The following COA6 variants were observed in gnomAD, a reference collection of about 807,000 sequenced individuals.
COA6 encodes the protein cytochrome c oxidase assembly factor 6 homolog.
In COA6, 12 loss-of-function variants were observed where a neutral mutation model predicts 17.1. The observed-to-expected ratio is 0.70, with a 90% CI of 0.45 to 1.14. The LOEUF (loss-of-function observed/expected upper bound fraction) is 1.14. Ranked by LOEUF, COA6 falls within the 50% of genes most tolerant of loss-of-function variation. COA6 has a pLI of 0.00. For synonymous variants in COA6, 90 were observed against 73.4 expected, an observed-to-expected ratio of 1.23 and a Z score of -1.16; for missense variants, 246 against 196.5, an observed-to-expected ratio of 1.25 and a Z score of -1.51.
At chr1:234,378,429 T>C (rs139754963) in intron 2 of COA6, among the ~76,000 whole-genome samples, 418 of 152,224 alleles carry the variant, frequency 2.7e-3, no homozygotes, top group African/African-American at 9.5e-3. Flanking sequence ...GGATGAAAAA[T>C]CAAACAAGGG....
Position 234,374,271 on chromosome 1 carries a change from G to A in COA6, c.254G>A (p.Arg85Lys). ...VGMAAPSMKE[R>K]QVCWGARDEY... The stretch of plus-strand genomic sequence containing the variant: ...ATGGCAGCCCCATCTATGAAGGAAA[G>A]ACAGGTCTGCTGGGGGGCCCGGGAT... Residue 85 changes from arginine (R) to lysine (K), a missense_variant, in exon 2 of 3, where the codon AGA (arginine) becomes AAA (lysine). Transcript: ENST00000366615. 1 of 1,613,896 alleles carries A rather than the reference G, an allele frequency of 6.2e-7. No individual in the cohort carries two copies. The highest frequency in any genetic ancestry group is 8.5e-7 in the Non-Finnish European group (1 of 1,179,976).
rs1318149086 is a variant in COA6 at position 234,384,216 on chromosome 1, A to C, written c.*398A>C. The stretch of plus-strand genomic sequence containing the variant: ...AATGATGAGGGTTTGTGGAAGGTTT[A>C]TAAGGAAGAAGGGTGAACTTAAAAT... On this transcript the variant is annotated 3_prime_UTR_variant, in exon 3 of 3. Coordinates refer to ENST00000366615, the MANE Select transcript of COA6 (RefSeq NM_001206641.3). 6.6e-6 allele frequency among the ~76,000 whole-genome samples: 1 copy of C among 152,194 alleles called. No individual in the cohort carries two copies. The highest frequency in any genetic ancestry group is 2.4e-5 in the African/African-American group (1 of 41,452).
rs1394086739 is a variant in COA6 at position 234,384,062 on chromosome 1, T to TTTTG, written c.*248_*251dup. The TTTTG allele has an allele frequency of 6.3e-6, 2 of 316,962 alleles. No individual in the cohort carries two copies. The highest frequency in any genetic ancestry group is 4.3e-5 in the African/African-American group (2 of 46,204). The allele number at this position is 316,962 out of a possible 1,614,324, so 19.6% of individuals were successfully genotyped here. A position where few individuals can be genotyped will look rare whatever the true frequency, so the allele number is the denominator to read the frequency against. The stretch of plus-strand genomic sequence containing the variant: ...ATAAACACATGCACTTTTGTTTTGT[T>TTTTG]TTTGTTTTGTTTTTAATTAGAGGAT... On this transcript the variant is annotated 3_prime_UTR_variant, in exon 3 of 3. Transcript: ENST00000366615.
intron 2 of COA6, among the ~76,000 whole-genome samples, chr1:234,376,677 G>A (rs548704658): frequency 2.0e-5 from 3 of 152,324 alleles, no homozygotes; most frequent in South Asian, 2.1e-4. Context: ...TAGAAACTGA[G>A]TTATCATTCA....
At position 234,383,771 on chromosome 1, in the gene COA6, T is replaced by G. The variant is rs1337715030; in HGVS notation, c.421T>G (p.Phe141Val). The change falls in exon 3 of 3, where the codon TTT (phenylalanine) becomes GTT (valine). Residue 141 changes from phenylalanine (F) to valine (V), a missense_variant. Phe to Val is a conservative substitution (Grantham distance 50). Coordinates refer to ENST00000366615, the MANE Select transcript of COA6 (RefSeq NM_001206641.3). ...RRDYLKFKEK[F>V]EAGQFEPSET... The stretch of plus-strand genomic sequence containing the variant: ...AGACTACTTAAAATTCAAAGAAAAA[T>G]TTGAAGCAGGACAATTTGAGCCTTC... 4 of 1,575,222 alleles carry G rather than the reference T, an allele frequency of 2.5e-6. No homozygotes were observed. The highest frequency in any genetic ancestry group is 3.5e-6 in the Non-Finnish European group (4 of 1,148,380).
At chr1:234,381,247 T>C (rs1445694217) in intron 2 of COA6, among the ~76,000 whole-genome samples, 1 of 152,234 alleles carries the variant, frequency 6.6e-6, no homozygotes, top group African/African-American at 2.4e-5. Context: ...CACTCGCATA[T>C]GTGTATACAG....
chr1:234,378,759 A>C (rs527742259), intron 2 of COA6, among the ~76,000 whole-genome samples: 1 of 152,206 alleles, frequency 6.6e-6, no homozygotes, highest in African/African-American at 2.4e-5. Context: ...TGTAATCCCA[A>C]CTATTTGGGA....
intron 2 of COA6, among the ~76,000 whole-genome samples, chr1:234,380,818 G>A (rs930500337): frequency 1.3e-5 from 2 of 152,200 alleles, no homozygotes; most frequent in African/African-American, 4.8e-5. Context: ...TGGCCAACAT[G>A]GCGAAACCCC....
rs1659055416 is a variant in COA6 at position 234,383,884 on chromosome 1, T to C, written c.*66T>C. 1 of 789,310 alleles carries C rather than the reference T, an allele frequency of 1.3e-6. No homozygotes were observed. The allele number at this position is 789,310 out of a possible 1,614,324, so 48.9% of individuals were successfully genotyped here. ...AAAAGCTCCACTGACTATGGAACAG[T>C]AATAGTTTGAATCATAGTGAACATC... On this transcript the variant is annotated 3_prime_UTR_variant, in exon 3 of 3. Coordinates refer to ENST00000366615, the MANE Select transcript of COA6 (RefSeq NM_001206641.3).
Position 234,373,537 on chromosome 1 carries a change from C to T in COA6, c.71C>T (p.Ser24Phe), listed in dbSNP as rs538502212. The T allele has an allele frequency of 2.5e-6, 4 of 1,610,490 alleles. No individual in the cohort carries two copies. The South Asian group carries it at 4.4e-5, about 18-fold the overall frequency. Reference protein sequence around the residue: ...RVSCFLRLGRSTLLELEPAGR... With the variant: ...RVSCFLRLGRFTLLELEPAGR... ...AGTTGCTTTTTGCGGCTGGGGAGGT[C>T]TACGCTTCTAGAGCTTGAGCCAGCG... Residue 24 changes from serine to phenylalanine, a missense_variant, in exon 1 of 3, where the codon TCT (serine) becomes TTT (phenylalanine). Coordinates refer to ENST00000366615, the MANE Select transcript of COA6 (RefSeq NM_001206641.3).
Position 234,373,618 on chromosome 1 carries a change from C to T in COA6, c.152C>T (p.Ala51Val), listed in dbSNP as rs751200675. ...RHRALHRRLV[A>V]CVTVSSRRHR... ...CGCGCCCTCCACCGCCGGTTGGTGG[C>T]CTGCGTGACAGTTTCCTCCCGTCGA... The change falls in exon 1 of 3, where the codon GCC (alanine) becomes GTC (valine). Residue 51 changes from alanine (A) to valine (V), a missense_variant. Ala to Val is a moderately conservative substitution (Grantham distance 64). Coordinates refer to ENST00000366615, the MANE Select transcript of COA6 (RefSeq NM_001206641.3). 3 of 1,613,000 alleles carry T rather than the reference C, an allele frequency of 1.9e-6. No homozygotes were observed. Among genetic ancestry groups the T allele is most frequent in the African/African-American group, 1.3e-5 (1 of 75,042 alleles).
Position 234,373,460 on chromosome 1 carries a change from A to G in COA6, c.-7A>G. ...AACAGGAAGTCCCGCCCCTCTATGGAAAGTAAATGGTAGCTCGGAAGGGTC... is the reference window on the plus strand; with the variant it reads ...AACAGGAAGTCCCGCCCCTCTATGGGAAGTAAATGGTAGCTCGGAAGGGTC... On this transcript the variant is annotated 5_prime_UTR_variant, in exon 1 of 3. Coordinates refer to ENST00000366615, the MANE Select transcript of COA6 (RefSeq NM_001206641.3). The G allele has an allele frequency of 2.7e-6, 4 of 1,504,270 alleles. No individual in the cohort carries two copies. Among genetic ancestry groups the G allele is most frequent in the Non-Finnish European group, 3.6e-6 (4 of 1,125,622 alleles). 93.2% of individuals were successfully genotyped at this position (1,504,270 alleles called of 1,614,324 possible).
chr1:234,379,831 A>G (rs183775764), intron 2 of COA6, among the ~76,000 whole-genome samples: 1 of 152,268 alleles, frequency 6.6e-6, no homozygotes, highest in Admixed American at 6.5e-5. Context: ...CTGTCACAAG[A>G]ACAGCGTGGG....
intron 2 of COA6, among the ~76,000 whole-genome samples, chr1:234,375,384 C>G (rs1482556551): frequency 6.6e-6 from 1 of 152,230 alleles, no homozygotes; most frequent in Non-Finnish European, 1.5e-5. Context: ...AGTGGCAAAA[C>G]TGTAATTTTA....
chr1:234,380,864 G>A (rs1658953262), intron 2 of COA6, among the ~76,000 whole-genome samples: 3 of 152,226 alleles, frequency 2.0e-5, no homozygotes, highest in African/African-American at 7.2e-5. Flanking sequence ...GCCAGGCGCG[G>A]TGGCACGCGC....
intron 2 of COA6, among the ~76,000 whole-genome samples, chr1:234,377,095 AG>A (rs1658825268): frequency 1.9e-5 from 1 of 53,804 alleles, no homozygotes; most frequent in Admixed American, 2.3e-4. Context: ...AGAGAGAGAG[AG>A]AGAGATCCAG....
chr1:234,378,311 A>G (rs1658868353), intron 2 of COA6, among the ~76,000 whole-genome samples: 2 of 152,210 alleles, frequency 1.3e-5, no homozygotes, highest in African/African-American at 2.4e-5. Flanking sequence ...AGGAAAATAC[A>G]GCAAGGAAAA....
At chr1:234,383,554 ATCAT>A (rs921432301) in intron 2 of COA6, among the ~76,000 whole-genome samples, 165 bp from the exon 3 acceptor site, 6 of 141,290 alleles carry the variant, frequency 4.2e-5, no homozygotes, top group African/African-American at 1.4e-4. Flanking sequence ...AAAGAAAAAC[ATCAT>A]TCATAGTTAC....
In COA6 at chr1:234,384,376, A is replaced by G. The variant is rs1313664498; in HGVS notation, c.*558A>G. Among the ~76,000 whole-genome samples the G allele has an allele frequency of 6.6e-6, 1 of 152,204 alleles. No individual in the cohort carries two copies. Among genetic ancestry groups the G allele is most frequent in the Non-Finnish European group, 1.5e-5 (1 of 68,040 alleles). The stretch of plus-strand genomic sequence containing the variant: ...AAAAGCATACACACTGGGAAGGAAG[A>G]AAGAAAACTAGCTCTACTCACATAT... On this transcript the variant is annotated 3_prime_UTR_variant, in exon 3 of 3. Coordinates refer to ENST00000366615, the MANE Select transcript of COA6 (RefSeq NM_001206641.3).
Sources: allele counts gnomAD v4.1 joint callset (sites outside exome capture counted in the v4.1 genomes callset), GRCh38; gene constraint gnomAD v4.1.1; transcripts MANE v1.5; gene names NCBI Gene and HGNC (gene_info 2026-07-23, HGNC 2026-07-21).